Variants in ATRNL1 observed in about 807,000 individuals in gnomAD.
The protein encoded by ATRNL1 is attractin-like protein 1.
ATRNL1 carries 95 observed loss-of-function variants against 182.7 expected under a neutral mutation model. That is an observed-to-expected ratio of 0.52 (90% CI 0.44 to 0.62). ATRNL1 has a LOEUF of 0.62. Ranked by LOEUF, ATRNL1 falls within the 20% of genes least tolerant of loss-of-function variation. ATRNL1 has a pLI of 0.00. For synonymous variants in ATRNL1, 576 were observed against 568.3 expected (o/e 1.01, Z -0.19); for missense variants, 1,471 against 1,679.5 (o/e 0.88, Z 2.17).
intron 26 of ATRNL1, among the ~76,000 whole-genome samples, chr10:115,553,539 C>T (rs56064509): frequency 0.16 from 24,683 of 151,158 alleles, 2,540 homozygotes; most frequent in South Asian, 0.24. Flanking sequence ...ATAAGACATG[C>T]CCAATGAGGG....
At chr10:115,370,647 G>A (rs926063666) in intron 19 of ATRNL1, among the ~76,000 whole-genome samples, 1 of 152,216 alleles carries the variant, frequency 6.6e-6, no homozygotes, top group African/African-American at 2.4e-5. Context: ...AAGAATTCAA[G>A]AAGTGACTTG....
chr10:115,357,799 T>G (rs894265744), intron 19 of ATRNL1, among the ~76,000 whole-genome samples: 8 of 151,830 alleles, frequency 5.3e-5, no homozygotes, highest in African/African-American at 1.9e-4. Context: ...AATTTAAAAT[T>G]TTTAACTTTC....
intron 9 of ATRNL1, among the ~76,000 whole-genome samples, chr10:115,240,657 T>C (rs1017805486): frequency 3.4e-4 from 52 of 152,152 alleles, no homozygotes; most frequent in Non-Finnish European, 5.9e-4. Context: ...GCTATGTTTA[T>C]GTATATAATA....
At chr10:115,321,635 A>C (rs1479081553) in intron 18 of ATRNL1, among the ~76,000 whole-genome samples, 1 of 147,960 alleles carries the variant, frequency 6.8e-6, no homozygotes, top group African/African-American at 2.5e-5. Context: ...TTGTCTGAAC[A>C]TAGCTATCAT....
chr10:115,833,721 ACATGCC>A (rs1262766055), intron 27 of ATRNL1, among the ~76,000 whole-genome samples: 2 of 152,168 alleles, frequency 1.3e-5, no homozygotes, highest in Non-Finnish European at 2.9e-5. Flanking sequence ...GAGTTAAGAA[ACATGCC>A]CAAGTAAGCG....
chr10:115,498,337 T>C (rs2133619596), intron 24 of ATRNL1, among the ~76,000 whole-genome samples: 1 of 152,280 alleles, frequency 6.6e-6, no homozygotes, highest in East Asian at 1.9e-4. Context: ...TTTTCAACTT[T>C]GTTTTTAGCT....
chr10:115,635,482 A>G (rs1858809832), intron 26 of ATRNL1, among the ~76,000 whole-genome samples: 1 of 152,190 alleles, frequency 6.6e-6, no homozygotes, highest in Admixed American at 6.6e-5. Flanking sequence ...AAAAGACAAT[A>G]CAAGATTTGA....
intron 8 of ATRNL1, among the ~76,000 whole-genome samples, chr10:115,210,430 G>T (rs1554894727): frequency 6.6e-6 from 1 of 151,822 alleles, no homozygotes; most frequent in Non-Finnish European, 1.5e-5. Flanking sequence ...ATACAGAGTA[G>T]TTCTTCACCC....
intron 26 of ATRNL1, among the ~76,000 whole-genome samples, chr10:115,712,403 T>C (rs1007825271): frequency 2.0e-5 from 3 of 152,188 alleles, no homozygotes; most frequent in African/African-American, 7.2e-5. Flanking sequence ...GAAGGGTAGA[T>C]TGTAAACCCT....
At chr10:115,896,098 T>C (rs1450145060) in intron 28 of ATRNL1, among the ~76,000 whole-genome samples, 1 of 152,236 alleles carries the variant, frequency 6.6e-6, no homozygotes, top group Non-Finnish European at 1.5e-5. Flanking sequence ...CAAACCATGT[T>C]TGTAAAATTC....
Position 115,241,635 on chromosome 10 carries a change from A to T in ATRNL1, c.1597A>T (p.Met533Leu), listed in dbSNP as rs782381575. 25 of 1,612,348 alleles carry T rather than the reference A, an allele frequency of 1.6e-5. No individual in the cohort carries two copies. The highest frequency in any genetic ancestry group is 2.0e-5 in the Non-Finnish European group (24 of 1,178,894). ...TTCAGCTGTTCTTATCAATGGAGCT[A>T]TGCTTATTTTTGGAGGAAATACCCA... is the stretch of plus-strand genomic sequence containing the variant. Reference protein sequence around the residue: ...LHSAVLINGAMLIFGGNTHND... With the variant: ...LHSAVLINGALLIFGGNTHND... Residue 533 changes from methionine to leucine, a missense_variant, in exon 10 of 29, where the codon ATG (methionine) becomes TTG (leucine). By Grantham distance (15) the Met-to-Leu change is conservative. Around this residue, in one of 3 missense-constraint regions of ATRNL1, gnomAD observed 1,031 missense variants for 1,156.0 expected, o/e 0.89. Coordinates refer to ENST00000355044, the MANE Select transcript of ATRNL1 (RefSeq NM_207303.4).
chr10:115,692,289 A>G (rs1400214029), intron 26 of ATRNL1, among the ~76,000 whole-genome samples: 2 of 152,196 alleles, frequency 1.3e-5, no homozygotes, highest in African/African-American at 4.8e-5. Context: ...CTAATTGCAG[A>G]CAGAACTATT....
At chr10:115,776,490 G>T (rs1407468733) in intron 27 of ATRNL1, among the ~76,000 whole-genome samples, 2 of 152,142 alleles carry the variant, frequency 1.3e-5, no homozygotes, top group African/African-American at 4.8e-5. Flanking sequence ...TCTTGAATCT[G>T]GGTGGGATCT....
chr10:115,931,841 G>A (rs1362863289), intron 28 of ATRNL1, among the ~76,000 whole-genome samples: 3 of 152,152 alleles, frequency 2.0e-5, no homozygotes, highest in Non-Finnish European at 2.9e-5. Flanking sequence ...AGATACACAC[G>A]TCAAATGATC....
chr10:115,593,538 C>A (rs1856040792), intron 26 of ATRNL1, among the ~76,000 whole-genome samples: 1 of 152,112 alleles, frequency 6.6e-6, no homozygotes, highest in East Asian at 1.9e-4. Flanking sequence ...ACTGTATGCC[C>A]ACATGGAGAA....
intron 27 of ATRNL1, among the ~76,000 whole-genome samples, chr10:115,768,437 A>G (rs920877611): frequency 6.6e-6 from 1 of 152,138 alleles, no homozygotes; most frequent in Admixed American, 6.6e-5. Context: ...TCAAGGCCCT[A>G]TCAAATCACC....
At chr10:115,312,589 ATGT>A (rs148783686) in intron 17 of ATRNL1, among the ~76,000 whole-genome samples, 1,967 of 152,204 alleles carry the variant, frequency 0.013, 38 homozygotes, top group African/African-American at 0.045. Context: ...TACATTGGTA[ATGT>A]TGTTTGTGCA....
intron 26 of ATRNL1, among the ~76,000 whole-genome samples, chr10:115,708,137 A>G (rs1555053520): frequency 2.0e-5 from 3 of 151,618 alleles, no homozygotes; most frequent in African/African-American, 7.2e-5. Flanking sequence ...TAAACATTTG[A>G]GATGATGAAT....
intron 8 of ATRNL1, among the ~76,000 whole-genome samples, chr10:115,209,481 C>G (rs1289937404): frequency 6.8e-6 from 1 of 147,968 alleles, no homozygotes; most frequent in Non-Finnish European, 1.5e-5. Flanking sequence ...CTAAATTACT[C>G]CATCATGGCC....
Sources: gnomAD v4.1 joint callset for allele counts (sites outside exome capture counted in the v4.1 genomes callset) on GRCh38, gnomAD v4.1.1 for gene constraint, gnomAD v4.1.1 regional missense constraint, MANE v1.5 for transcripts, NCBI Gene and HGNC (gene_info 2026-07-23, HGNC 2026-07-21) for gene names.